Variants in TDO2 observed in about 807,000 individuals in gnomAD.
TDO2 encodes the protein tryptamin 2,3-dioxygenase.
In TDO2, 63 loss-of-function variants were observed where a neutral mutation model predicts 61.2. That is an observed-to-expected ratio of 1.03 (90% CI 0.84 to 1.27). TDO2 has a LOEUF of 1.27. Among genes scored for constraint, TDO2 ranks in the 50% most tolerant of loss-of-function variants. The probability of loss-of-function intolerance (pLI) is 0.00; values close to 1 mark genes in which losing one functional copy is unlikely to be tolerated. For synonymous variants in TDO2, 183 were observed against 164.0 expected, an observed-to-expected ratio of 1.12 and a Z score of -0.89; for missense variants, 494 against 469.5, an observed-to-expected ratio of 1.05 and a Z score of -0.48.
intron 7 of TDO2, among the ~76,000 whole-genome samples, chr4:155,913,620 C>T (rs770578264): frequency 6.6e-6 from 1 of 152,080 alleles, no homozygotes; most frequent in Non-Finnish European, 1.5e-5. Flanking sequence ...TTTTTGCACA[C>T]AATTTTATCT....
chr4:155,907,462 G>A, intron 3 of TDO2: 3 of 378,566 alleles, frequency 7.9e-6, no homozygotes, highest in Non-Finnish European at 1.4e-5. Context: ...AAATGCATTT[G>A]TTGAGAGGAA....
At chr4:155,911,689 C>T (rs12502494) in intron 7 of TDO2, 85 bp downstream of exon 7, 750,450 of 889,120 alleles carry the variant, frequency 0.84, 321,804 homozygotes, top group Non-Finnish European at 0.88. Flanking sequence ...TTCTCTTAAC[C>T]TTTTCTCTTT....
chr4:155,904,144 A>C (rs1742677135), intron 2 of TDO2, 21 bp downstream of exon 2: 1 of 1,578,874 alleles, frequency 6.3e-7, no homozygotes, highest in Non-Finnish European at 8.7e-7. Flanking sequence ...GGGTCCTTAC[A>C]GGGTTTGGTG....
rs1184401767 is a variant in TDO2 at position 155,914,406 on chromosome 4, G to A, written c.810G>A (p.Glu270=). ...AGGTGCTACTGTCCTTATTTGATGA[G>A]AAACGTCATGAACATCTCCTTAGTA... ...QKEVLLSLFD[E]KRHEHLLSKG... is the part of the protein sequence containing the mutation. Residue 270 remains glutamate, a synonymous_variant, in exon 8 of 12, where the codon GAG becomes GAA. Coordinates refer to ENST00000536354, the MANE Select transcript of TDO2 (RefSeq NM_005651.4). The A allele has an allele frequency of 6.3e-7, 1 of 1,599,560 alleles. No individual in the cohort carries two copies. Among genetic ancestry groups the A allele is most frequent in the Middle Eastern group, 1.7e-4 (1 of 6,016 alleles).
chr4:155,911,069 G>A (rs1033562133), intron 6 of TDO2, among the ~76,000 whole-genome samples: 1 of 152,008 alleles, frequency 6.6e-6, no homozygotes, highest in Non-Finnish European at 1.5e-5. Context: ...GAATTTAGAA[G>A]AGATCGTATC....
Position 155,918,136 on chromosome 4 carries a change from T to C in TDO2, c.977-13T>C, listed in dbSNP as rs907823947. 2 of 1,611,382 alleles carry C rather than the reference T, an allele frequency of 1.2e-6. No homozygotes were observed. Among genetic ancestry groups the C allele is most frequent in the Admixed American group, 1.7e-5 (1 of 59,382 alleles). ...GAAAAATATCCATGGAGTAAATTTG[T>C]ATGTTTGCCTAGATAACCATGTGTG... On this transcript the variant is annotated splice_polypyrimidine_tract_variant and intron_variant, in intron 10 of 11. Coordinates refer to ENST00000536354, the MANE Select transcript of TDO2 (RefSeq NM_005651.4).
In TDO2 at chr4:155,909,826, C is replaced by A. The variant is rs150339142; in HGVS notation, c.432-199C>A. ...GGTGGTTGATAATGTCAGCTCTTCTCTTCTCTCCTCTCCTCTCCTCTCTTC... is the reference window on the plus strand; with the variant it reads ...GGTGGTTGATAATGTCAGCTCTTCTATTCTCTCCTCTCCTCTCCTCTCTTC... On this transcript the variant is annotated intron_variant, in intron 5 of 11. Coordinates refer to ENST00000536354, the MANE Select transcript of TDO2 (RefSeq NM_005651.4). 3.9e-4 allele frequency among the ~76,000 whole-genome samples: 56 copies of A among 144,960 alleles called. No individual in the cohort carries two copies. The East Asian group carries it at 9.6e-3, about 25-fold the overall frequency.
intron 9 of TDO2, among the ~76,000 whole-genome samples, 168 bp downstream of exon 9, chr4:155,916,080 T>C (rs1462863633): frequency 6.6e-6 from 1 of 152,044 alleles, no homozygotes; most frequent in East Asian, 1.9e-4. Flanking sequence ...CGTCCCTTTT[T>C]TTTTCTTTTA....
At chr4:155,911,408 ATT>A (rs1181278768) in intron 6 of TDO2, 87 bp from the exon 7 acceptor site, 1 of 900,708 alleles carries the variant, frequency 1.1e-6, no homozygotes, top group African/African-American at 1.7e-5. Context: ...AACCATGAAG[ATT>A]TCTTGTTTTA....
Position 155,920,097 on chromosome 4 carries a change from C to A in TDO2, c.*107C>A. ...ATATATGTATGCATATATTGTTCAG[C>A]ACCACGATGCTCTGATTTAATTCTA... is the stretch of plus-strand genomic sequence containing the variant. On this transcript the variant is annotated 3_prime_UTR_variant, in exon 12 of 12. Coordinates refer to ENST00000536354, the MANE Select transcript of TDO2 (RefSeq NM_005651.4). 1 of 980,570 alleles carries A rather than the reference C, an allele frequency of 1.0e-6. No individual in the cohort carries two copies. Among genetic ancestry groups the A allele is most frequent in the Non-Finnish European group, 1.5e-6 (1 of 652,982 alleles). 60.7% of individuals were successfully genotyped at this position (980,570 alleles called of 1,614,324 possible). A position where few individuals can be genotyped will look rare whatever the true frequency, so the allele number is the denominator to read the frequency against.
intron 9 of TDO2, among the ~76,000 whole-genome samples, chr4:155,917,120 A>G (rs1384181023): frequency 6.6e-6 from 1 of 152,214 alleles, no homozygotes; most frequent in Non-Finnish European, 1.5e-5. Context: ...TCTCGCTTTT[A>G]ATAAGAACCA....
At chr4:155,918,280 C>A in intron 11 of TDO2, 41 bp downstream of exon 11, 1 of 1,591,258 alleles carries the variant, frequency 6.3e-7, no homozygotes, top group Non-Finnish European at 8.6e-7. Flanking sequence ...TGGCAGTCAC[C>A]AACAATTTGT....
chr4:155,919,908 A>G lies in TDO2; in HGVS notation c.1139A>G (p.Lys380Arg), dbSNP rs150315598. Reference protein sequence around the residue: ...TYLIPRHWIPKMNPTIHKFLY... With the variant: ...TYLIPRHWIPRMNPTIHKFLY... ...CTGATTCCCCGACACTGGATACCGAAGATGAACCCAACCATTCACAAATTT... is the reference window on the plus strand; with the variant it reads ...CTGATTCCCCGACACTGGATACCGAGGATGAACCCAACCATTCACAAATTT... Residue 380 changes from lysine (K) to arginine (R), a missense_variant, in exon 12 of 12, where the codon AAG becomes AGG. By Grantham distance (26) the Lys-to-Arg change is conservative. Transcript: ENST00000536354. 3 of 1,613,562 alleles carry G rather than the reference A, an allele frequency of 1.9e-6. No homozygotes were observed. The African/African-American group carries it at 4.0e-5, about 22-fold the overall frequency.
At chr4:155,912,469 G>C (rs912050085) in intron 7 of TDO2, among the ~76,000 whole-genome samples, 1 of 151,928 alleles carries the variant, frequency 6.6e-6, no homozygotes, top group East Asian at 1.9e-4. Flanking sequence ...AGTTGACCTC[G>C]CAGAAACATT....
chr4:155,911,987 G>T (rs1229685638), intron 7 of TDO2, among the ~76,000 whole-genome samples: 1 of 152,130 alleles, frequency 6.6e-6, no homozygotes, highest in East Asian at 1.9e-4. Context: ...CTTTCTGGCA[G>T]CTCTCAGACA....
intron 6 of TDO2, among the ~76,000 whole-genome samples, chr4:155,911,025 T>C (rs1164135800): frequency 6.6e-6 from 1 of 152,096 alleles, no homozygotes; most frequent in Non-Finnish European, 1.5e-5. Flanking sequence ...GCATGGATGG[T>C]TAATTTCAAA....
Position 155,919,878 on chromosome 4 carries a change from C to T in TDO2, c.1109C>T (p.Thr370Ile), listed in dbSNP as rs781015237. Residue 370 changes from threonine to isoleucine, a missense_variant, in exon 12 of 12, where the codon ACA (threonine) becomes ATA (isoleucine). Thr to Ile is a moderately conservative substitution (Grantham distance 89). Coordinates refer to ENST00000536354, the MANE Select transcript of TDO2 (RefSeq NM_005651.4). Reference protein sequence around the residue: ...KVFVDLFNLSTYLIPRHWIPK... With the variant: ...KVFVDLFNLSIYLIPRHWIPK... ...TTTGTAGATTTATTTAATCTTTCAA[C>T]ATACCTGATTCCCCGACACTGGATA... 23 of 1,613,526 alleles carry T rather than the reference C, an allele frequency of 1.4e-5. 1 individual carries two copies. Among genetic ancestry groups the T allele is most frequent in the Non-Finnish European group, 1.9e-5 (22 of 1,179,702 alleles).
intron 4 of TDO2, among the ~76,000 whole-genome samples, chr4:155,908,433 A>G (rs1742758871): frequency 1.8e-5 from 1 of 56,116 alleles, no homozygotes; most frequent in African/African-American, 3.3e-5. Flanking sequence ...GAGACAGAGC[A>G]CATGGGACCC....
intron 9 of TDO2, among the ~76,000 whole-genome samples, chr4:155,917,174 G>A (rs1742955822): frequency 6.6e-6 from 1 of 152,042 alleles, no homozygotes. Context: ...TATATTACAT[G>A]GACTTTTCTA....
Sources: gnomAD v4.1 joint callset for allele counts (sites outside exome capture counted in the v4.1 genomes callset) on GRCh38, gnomAD v4.1.1 for gene constraint, MANE v1.5 for transcripts, NCBI Gene and HGNC (gene_info 2026-07-23, HGNC 2026-07-21) for gene names.